Variants in SPINK6 observed in about 807,000 individuals in gnomAD.
SPINK6 encodes serine protease inhibitor Kazal-type 6.
SPINK6 carries 13 observed loss-of-function variants against 11.7 expected under a neutral mutation model. The ratio of observed to expected loss-of-function variants is 1.11; its 90% confidence interval spans 0.72 to 1.76. The LOEUF is 1.76. SPINK6 is among the 40% of genes most tolerant of loss of function. SPINK6 has a pLI of 0.00. For missense variants in SPINK6, 98 were observed against 93.7 expected (o/e 1.05, Z -0.19); for synonymous variants, 21 against 31.9 (o/e 0.66, Z 1.15).
chr5:148,205,906 A>G, intron 1 of SPINK6, 130 bp from the exon 2 acceptor site: 1 of 949,928 alleles, frequency 1.1e-6, no homozygotes, highest in Non-Finnish European at 1.6e-6. Context: ...AAAAACAAAC[A>G]AAAAAAATAC....
chr5:148,212,583 A>AT (rs1554112588), intron 2 of SPINK6, among the ~76,000 whole-genome samples: 9 of 102,116 alleles, frequency 8.8e-5, no homozygotes, highest in Admixed American at 4.1e-4. Context: ...TATATTATAT[A>AT]AATATATTTT....
chr5:148,204,267 G>A (rs574657781), intron 1 of SPINK6, among the ~76,000 whole-genome samples: 78 of 152,064 alleles, frequency 5.1e-4, no homozygotes, highest in African/African-American at 1.9e-3. Flanking sequence ...ATATTATGGA[G>A]TAAGCTTGAC....
Position 148,203,106 on chromosome 5 carries a change from T to C in SPINK6, c.10T>C (p.Ser4Pro). ...TGAGCTAACTGACACAATGAAACTG[T>C]CAGGCATGTTTCTGCTCCTCTCTCT... MKLSGMFLLLSLAL... is the reference protein window; with the variant it reads MKLPGMFLLLSLAL... Residue 4 changes from serine (S) to proline (P), a missense_variant, in exon 1 of 4, where the codon TCA (serine) becomes CCA (proline). Transcript: ENST00000325630. 1.2e-6 allele frequency: 2 copies of C among 1,611,110 alleles called. No individual in the cohort carries two copies. The highest frequency in any genetic ancestry group is 2.2e-5 in the South Asian group (2 of 90,280).
At chr5:148,212,614 T>TATATAATA (rs1755621854) in intron 2 of SPINK6, among the ~76,000 whole-genome samples, 2 of 102,296 alleles carry the variant, frequency 2.0e-5, no homozygotes, top group African/African-American at 8.7e-5. Flanking sequence ...TAATATATAT[T>TATATAATA]TATATTATAT....
rs1561732069 is a variant in SPINK6 at position 148,209,969 on chromosome 5, T to TACGTATGTATACATACAC, written c.81+3916_81+3917insTGTATACATACACACGTA. 5.3e-4 allele frequency among the ~76,000 whole-genome samples: 67 copies of TACGTATGTATACATACAC among 126,688 alleles called. 8 individuals carry two copies. Among genetic ancestry groups the TACGTATGTATACATACAC allele is most frequent in the East Asian group, 4.5e-3 (18 of 4,018 alleles). The allele number at this position is 126,688 out of a possible 152,430, so 83.1% of individuals were successfully genotyped here. A position where few individuals can be genotyped will look rare whatever the true frequency, so the allele number is the denominator to read the frequency against. On this transcript the variant is annotated intron_variant, in intron 2 of 3. Coordinates refer to ENST00000325630, the MANE Select transcript of SPINK6 (RefSeq NM_205841.4). ...GGTTTCATATATATGTATACATACA[T>TACGTATGTATACATACAC]ACGTACGTATGTATGTATACATATA...
At chr5:148,210,001 T>C (rs34444258) in intron 2 of SPINK6, among the ~76,000 whole-genome samples, 13,584 of 22,936 alleles carry the variant, frequency 0.59, 3,862 homozygotes, top group Non-Finnish European at 0.68. Context: ...TATACACGTA[T>C]GTATACATGT....
intron 2 of SPINK6, among the ~76,000 whole-genome samples, chr5:148,211,148 G>A (rs551610413): frequency 5.7e-5 from 7 of 122,360 alleles, no homozygotes; most frequent in Non-Finnish European, 8.9e-5. Context: ...GGGGCCCAGA[G>A]AGAGTGGTCC....
rs747580854 is a variant in SPINK6, at chr5:148,203,135, T to C, written c.39T>C (p.Ala13=). ...LSGMFLLLSL[A]LFCFLTGVFS... ...GCATGTTTCTGCTCCTCTCTCTGGC[T>C]CTTTTCTGCTTTTTAACAGGTAAGT... is the stretch of plus-strand genomic sequence containing the variant. Residue 13 remains alanine (A), a synonymous_variant, in exon 1 of 4, where the codon GCT becomes GCC. Transcript: ENST00000325630. 2 of 1,612,362 alleles carry C rather than the reference T, an allele frequency of 1.2e-6. No individual in the cohort carries two copies. Among genetic ancestry groups the C allele is most frequent in the South Asian group, 1.1e-5 (1 of 90,722 alleles).
chr5:148,205,259 T>G (rs983731901), intron 1 of SPINK6, among the ~76,000 whole-genome samples: 34 of 152,144 alleles, frequency 2.2e-4, no homozygotes, highest in African/African-American at 8.2e-4. Flanking sequence ...GTCAGAGGGA[T>G]TGGGAAAGGA....
chr5:148,210,023 T>C (rs1381231104), intron 2 of SPINK6, among the ~76,000 whole-genome samples: 27 of 17,976 alleles, frequency 1.5e-3, no homozygotes, highest in Middle Eastern at 0.1. Context: ...TGTACGCATG[T>C]ACGCATGCAC....
intron 2 of SPINK6, among the ~76,000 whole-genome samples, chr5:148,208,785 G>A (rs77901660): frequency 0.013 from 1,988 of 152,136 alleles, 48 homozygotes; most frequent in African/African-American, 0.046. Flanking sequence ...GTTGTATAGC[G>A]CCAAAATGTT....
Position 148,209,992 on chromosome 5 carries a change from A to ACAAACG in SPINK6, c.82-3918_82-3917insCAAACG, listed in dbSNP as rs1561732169. On this transcript the variant is annotated intron_variant, in intron 2 of 3. Transcript: ENST00000325630. ...CATACGTACGTATGTATGTATACAT[A>ACAAACG]TACACGTATGTATACATGTATGTAC... Among the ~76,000 whole-genome samples, 2 of 145,766 alleles carry ACAAACG rather than the reference A, an allele frequency of 1.4e-5. 1 individual carries two copies. Among genetic ancestry groups the ACAAACG allele is most frequent in the Non-Finnish European group, 3.0e-5 (2 of 66,488 alleles).
chr5:148,205,826 G>T (rs1473933158), intron 1 of SPINK6, among the ~76,000 whole-genome samples: 1 of 150,100 alleles, frequency 6.7e-6, no homozygotes, highest in East Asian at 1.9e-4. Flanking sequence ...CCTCCTCATG[G>T]TTCATGTCTT....
At chr5:148,209,995 C>CGT (rs1195584567) in intron 2 of SPINK6, among the ~76,000 whole-genome samples, 3,917 of 117,260 alleles carry the variant, frequency 0.033, 416 homozygotes, top group East Asian at 0.17. Flanking sequence ...TATACATATA[C>CGT]ACGTATGTAT....
chr5:148,209,209 C>A (rs1158420522), intron 2 of SPINK6, among the ~76,000 whole-genome samples: 1 of 151,954 alleles, frequency 6.6e-6, no homozygotes, highest in African/African-American at 2.4e-5. Flanking sequence ...TTATCTAGTA[C>A]CTATAACTTA....
chr5:148,212,219 T>C (rs983646308), intron 2 of SPINK6, among the ~76,000 whole-genome samples: 5 of 151,874 alleles, frequency 3.3e-5, no homozygotes, highest in Non-Finnish European at 7.4e-5. Flanking sequence ...TATTAATCAG[T>C]CATAACATAT....
intron 2 of SPINK6, among the ~76,000 whole-genome samples, chr5:148,210,086 A>G (rs1755563879): frequency 1.5e-5 from 2 of 131,372 alleles, no homozygotes; most frequent in Admixed American, 8.4e-5. Flanking sequence ...ATATGTATGC[A>G]TGTTTACATG....
At chr5:148,203,413 G>A (rs540464080) in intron 1 of SPINK6, among the ~76,000 whole-genome samples, 1 of 152,184 alleles carries the variant, frequency 6.6e-6, no homozygotes, top group South Asian at 2.1e-4. Context: ...TCATAATAAG[G>A]TATTTCTATC....
intron 2 of SPINK6, among the ~76,000 whole-genome samples, chr5:148,211,205 G>C (rs1191047980): frequency 6.6e-6 from 1 of 152,098 alleles, no homozygotes; most frequent in Non-Finnish European, 1.5e-5. Flanking sequence ...AGTGAGTTTA[G>C]AAGGCTCTCT....
Sources: gnomAD v4.1 joint callset for allele counts (sites outside exome capture counted in the v4.1 genomes callset) on GRCh38, gnomAD v4.1.1 for gene constraint, MANE v1.5 for transcripts, NCBI Gene and HGNC (gene_info 2026-07-23, HGNC 2026-07-21) for gene names.